PACRGL: variants seen among roughly 807,000 people sequenced by gnomAD.
PACRGL encodes the protein PACRG-like protein.
In PACRGL, 38 loss-of-function variants were observed where a neutral mutation model predicts 34.5. The ratio of observed to expected loss-of-function variants is 1.10; its 90% CI spans 0.85 to 1.44. The LOEUF is 1.44. Among genes scored for constraint, PACRGL ranks in the 40% most tolerant of loss-of-function variants. The probability of loss-of-function intolerance (pLI) is 0.00; values close to 1 mark genes in which losing one functional copy is unlikely to be tolerated. For missense variants in PACRGL, 305 were observed against 281.4 expected (o/e 1.08, Z -0.60); for synonymous variants, 128 against 100.1 (o/e 1.28, Z -1.66).
At chr4:20,702,311 G>A (rs1482054657) in intron 1 of PACRGL, 4 of 417,492 alleles carry the variant, frequency 9.6e-6, no homozygotes, top group African/African-American at 4.1e-5. Flanking sequence ...GCTGTGCATC[G>A]CTTTTATCTG....
intron 8 of PACRGL, among the ~76,000 whole-genome samples, chr4:20,741,691 C>G (rs899367482): frequency 2.6e-5 from 4 of 152,088 alleles, no homozygotes; most frequent in African/African-American, 9.7e-5. Context: ...CATTCAAAAG[C>G]TAGCAGAAGG....
chr4:20,719,689 G>A (rs1408188845), intron 7 of PACRGL, among the ~76,000 whole-genome samples: 2 of 152,098 alleles, frequency 1.3e-5, no homozygotes, highest in African/African-American at 4.8e-5. Context: ...ACTGTGGTCT[G>A]AGAGACAGTT....
intron 8 of PACRGL, among the ~76,000 whole-genome samples, chr4:20,737,705 T>A (rs1420933653): frequency 2.0e-5 from 3 of 152,230 alleles, no homozygotes; most frequent in Non-Finnish European, 2.9e-5. Flanking sequence ...AGCAGTAAGA[T>A]GACATGCAAA....
upstream of PACRGL, among the ~76,000 whole-genome samples, chr4:20,697,614 C>A (rs111287042): frequency 3.9e-3 from 587 of 152,220 alleles, 3 homozygotes; most frequent in African/African-American, 0.012. Flanking sequence ...CTGAAGTTTG[C>A]CATTTAGAAA....
intron 7 of PACRGL, among the ~76,000 whole-genome samples, chr4:20,719,896 T>G (rs1742166893): frequency 6.6e-6 from 1 of 152,130 alleles, no homozygotes; most frequent in South Asian, 2.1e-4. Context: ...GTTAACTTTC[T>G]GTCTCGTTGA....
downstream of PACRGL, chr4:20,734,842 T>C (rs1390241755): frequency 5.3e-6 from 3 of 566,684 alleles, no homozygotes; most frequent in Non-Finnish European, 9.0e-6. Flanking sequence ...CTTGAACATT[T>C]AGCAAAATGA....
chr4:20,721,787 G>A (rs897548968), intron 7 of PACRGL, among the ~76,000 whole-genome samples: 1 of 152,220 alleles, frequency 6.6e-6, no homozygotes, highest in Non-Finnish European at 1.5e-5. Flanking sequence ...CCCACTTGAG[G>A]AGGCAGTCTG....
At chr4:20,765,603 A>G in the PACRGL span, among the ~76,000 whole-genome samples, 1 of 152,160 alleles carries the variant, frequency 6.6e-6, no homozygotes, top group Non-Finnish European at 1.5e-5. Flanking sequence ...GGCTGAGGAA[A>G]ATGTTCTGGT....
intron 8 of PACRGL, among the ~76,000 whole-genome samples, chr4:20,726,722 T>C (rs1432552702): frequency 6.6e-6 from 1 of 152,222 alleles, no homozygotes; most frequent in Non-Finnish European, 1.5e-5. Flanking sequence ...AAATATCTGT[T>C]ACAGATAGTC....
At chr4:20,703,409 A>T (rs1261635152) in intron 1 of PACRGL, among the ~76,000 whole-genome samples, 1 of 152,096 alleles carries the variant, frequency 6.6e-6, no homozygotes, top group Non-Finnish European at 1.5e-5. Flanking sequence ...AACCAAGATG[A>T]GGAAAGGCTT....
At chr4:20,704,845 A>AT (rs781199776) in intron 3 of PACRGL, 31 bp downstream of exon 3, 9 of 1,608,774 alleles carry the variant, frequency 5.6e-6, no homozygotes, top group Admixed American at 1.7e-5. Flanking sequence ...AACTCAGTAG[A>AT]TTTTTTAAAG....
Position 20,700,594 on chromosome 4 carries a change from C to T in PACRGL, c.-210C>T, listed in dbSNP as rs1400517484. ...GAGAGGCGCGGTAGGAACGGGTCCC[C>T]GGAGCCGTGAACCGCGGGTACAGGT... On this transcript the variant is annotated 5_prime_UTR_variant, in exon 1 of 9. Coordinates refer to ENST00000503585, the MANE Select transcript of PACRGL (RefSeq NM_001258345.3). 1 of 152,102 alleles carries T rather than the reference C, an allele frequency of 6.6e-6. No individual in the cohort carries two copies. The highest frequency in any genetic ancestry group is 1.5e-5 in the Non-Finnish European group (1 of 68,056). 9.4% of individuals were successfully genotyped at this position (152,102 alleles called of 1,614,324 possible).
At position 20,727,633 on chromosome 4, in the gene PACRGL, T is replaced by G. The variant is rs149241470; in HGVS notation, c.*292T>G. ...TGCAAGATAAGATGTATTTGTATTT[T>G]CTAGTGTCTTTTTATTTATAACAAC... On this transcript the variant is annotated 3_prime_UTR_variant, in exon 9 of 9. Coordinates refer to ENST00000503585, the MANE Select transcript of PACRGL (RefSeq NM_001258345.3). 2.2e-3 allele frequency: 570 copies of G among 254,176 alleles called. 1 individual carries two copies. The highest frequency in any genetic ancestry group is 3.6e-3 in the Non-Finnish European group (492 of 137,762). The allele number at this position is 254,176 out of a possible 1,614,324, so 15.7% of individuals were successfully genotyped here.
rs1383954766 is a variant in PACRGL at position 20,704,658 on chromosome 4, A to C, written c.53-2A>C. The C allele has an allele frequency of 6.2e-7, 1 of 1,613,834 alleles. No individual in the cohort carries two copies. Among genetic ancestry groups the C allele is most frequent in the Admixed American group, 1.7e-5 (1 of 59,942 alleles). ...TTCTATTGATGTTCTGTTTTTTTCCAGGTAACTATGATCAAAGGACATCAT... is the reference window on the plus strand; with the variant it reads ...TTCTATTGATGTTCTGTTTTTTTCCCGGTAACTATGATCAAAGGACATCAT... On this transcript the variant is annotated splice_acceptor_variant, in intron 2 of 8. Coordinates refer to ENST00000503585, the MANE Select transcript of PACRGL (RefSeq NM_001258345.3). LOFTEE classifies it high-confidence loss of function.
At chr4:20,745,491 T>A (rs1396932790) in intron 8 of PACRGL, among the ~76,000 whole-genome samples, 1 of 152,096 alleles carries the variant, frequency 6.6e-6, no homozygotes, top group Non-Finnish European at 1.5e-5. Flanking sequence ...CTTTTCTGAG[T>A]TGTAATTGAA....
At chr4:20,715,980 T>A in intron 7 of PACRGL, 3 of 802,934 alleles carry the variant, frequency 3.7e-6, no homozygotes, top group Non-Finnish European at 5.7e-6. Flanking sequence ...TGTAATTATA[T>A]GTTACCAAAC....
intron 8 of PACRGL, among the ~76,000 whole-genome samples, chr4:20,746,628 CTT>C (rs1362950847): frequency 2.0e-5 from 3 of 152,064 alleles, no homozygotes; most frequent in African/African-American, 4.8e-5. Context: ...GACATTATGA[CTT>C]TTTCATTTTT....
chr4:20,712,500 G>T (rs1482689217), intron 5 of PACRGL, among the ~76,000 whole-genome samples: 1 of 151,984 alleles, frequency 6.6e-6, no homozygotes, highest in Admixed American at 6.6e-5. Context: ...AAGTATATGG[G>T]AGTATGTGCA....
chr4:20,721,369 G>A (rs1392243602), intron 7 of PACRGL, among the ~76,000 whole-genome samples: 1 of 152,172 alleles, frequency 6.6e-6, no homozygotes, highest in African/African-American at 2.4e-5. Flanking sequence ...TTCTGGTGAG[G>A]AGTTGTGTTC....
Sources: gnomAD v4.1 joint callset for allele counts (sites outside exome capture counted in the v4.1 genomes callset) on GRCh38, gnomAD v4.1.1 for gene constraint, MANE v1.5 for transcripts, NCBI Gene and HGNC (gene_info 2026-07-23, HGNC 2026-07-21) for gene names.